Variants in ZNF469 observed in about 807,000 individuals in gnomAD.
ZNF469 encodes zinc finger protein 469.
Under a neutral mutation model 1.0 loss-of-function variants are expected in ZNF469, and 1 was observed. That is an observed-to-expected ratio of 1.00 (90% confidence interval 0.35 to 4.73). ZNF469 has a LOEUF of 4.73. ZNF469 is among the 30% of genes most tolerant of loss of function. The pLI, the probability that ZNF469 is intolerant of heterozygous loss-of-function variation, is 0.16. For synonymous variants in ZNF469, 2,703 were observed against 2,363.4 expected (o/e 1.14, Z -4.17); for missense variants, 6,100 against 5,356.3 (o/e 1.14, Z -4.33).
chr16:88,113,064 C>T, the ZNF469 span, among the ~76,000 whole-genome samples: 2 of 151,946 alleles, frequency 1.3e-5, no homozygotes, highest in Non-Finnish European at 2.9e-5. Flanking sequence ...AGGTGTGAGC[C>T]ACCGCGCCTG....
At chr16:88,352,959 G>A in the ZNF469 span, among the ~76,000 whole-genome samples, 1 of 152,172 alleles carries the variant, frequency 6.6e-6, no homozygotes, top group Admixed American at 6.5e-5. Context: ...CCCAGCCTGG[G>A]GTGGGAGGCC....
At chr16:88,257,269 C>T in the ZNF469 span, among the ~76,000 whole-genome samples, 1 of 152,056 alleles carries the variant, frequency 6.6e-6, no homozygotes, top group Non-Finnish European at 1.5e-5. Flanking sequence ...CAGCCGGGAG[C>T]ATCTTTTCAT....
the ZNF469 span, among the ~76,000 whole-genome samples, chr16:88,251,536 GTCTTTTTTTTTTT>G: frequency 2.7e-4 from 21 of 78,794 alleles, no homozygotes; most frequent in Middle Eastern, 8.1e-3. Context: ...TGTCCCTGCT[GTCTTTTTTTTTTT>G]TTTTTTTTTT....
At position 88,439,187 on chromosome 16, in the gene ZNF469, A is replaced by G; in HGVS notation, c.11717A>G (p.Lys3906Arg). 3 of 1,550,404 alleles carry G rather than the reference A, an allele frequency of 1.9e-6. No individual in the cohort carries two copies. The highest frequency in any genetic ancestry group is 2.4e-5 in the East Asian group (1 of 40,924). ...GGGAGACCCCTGCTCAGGCCCCCCA[A>G]GAGGGGCACAGCTGTCCACGGTGCT... ...PQGRPLLRPP[K>R]RGTAVHGAEP... The change falls in exon 3 of 3, where the codon AAG becomes AGG. Residue 3906 changes from lysine (K) to arginine (R), a missense_variant. Transcript: ENST00000565624.
rs372973682 is a variant in ZNF469 at position 88,435,463 on chromosome 16, T to A, written c.7993T>A (p.Ser2665Thr). The change falls in exon 3 of 3, where the codon TCC (serine) becomes ACC (threonine). Residue 2665 changes from serine to threonine, a missense_variant. Physicochemically the swap from Ser to Thr is moderately conservative, Grantham distance 58. Coordinates refer to ENST00000565624, the MANE Select transcript of ZNF469 (RefSeq NM_001367624.2). ...VISDGRGSRP[S>T]PAMASYAASP... The stretch of plus-strand genomic sequence containing the variant: ...TTCAGATGGGCGCGGCTCCAGACCA[T>A]CCCCTGCAATGGCCAGTTACGCAGC... 26 of 1,549,350 alleles carry A rather than the reference T, an allele frequency of 1.7e-5. No homozygotes were observed. In the African/African-American group the frequency reaches 3.4e-4, roughly 20 times the overall value.
chr16:88,260,297 G>A, the ZNF469 span, among the ~76,000 whole-genome samples: 3 of 152,178 alleles, frequency 2.0e-5, no homozygotes, highest in East Asian at 1.9e-4. This position sits in a 1 kb window ranked among gnomAD's most constrained non-coding sequence, Gnocchi z 4.1. Flanking sequence ...CCAAAAAGTC[G>A]CTTTAAAAAG....
chr16:88,330,116 G>A, the ZNF469 span, among the ~76,000 whole-genome samples: 3 of 152,366 alleles, frequency 2.0e-5, no homozygotes, highest in Admixed American at 6.5e-5. Flanking sequence ...TCTGACTTTC[G>A]GTTAGAGCGT....
chr16:88,374,146 G>GGGGTT, the ZNF469 span, among the ~76,000 whole-genome samples: 1 of 152,220 alleles, frequency 6.6e-6, no homozygotes, highest in East Asian at 1.9e-4. Context: ...GGCACTGTCT[G>GGGGTT]AGGTACAGGG....
At chr16:88,244,482 T>C in the ZNF469 span, among the ~76,000 whole-genome samples, 1 of 150,760 alleles carries the variant, frequency 6.6e-6, no homozygotes, top group Non-Finnish European at 1.5e-5. Flanking sequence ...GGTGGATACA[T>C]TGATGAGTGG....
In ZNF469 at chr16:88,434,032, G is replaced by A. The variant is rs2142309593; in HGVS notation, c.6562G>A (p.Gly2188Arg). Residue 2188 changes from glycine to arginine, a missense_variant, in exon 3 of 3, where the codon GGG becomes AGG. Coordinates refer to ENST00000565624, the MANE Select transcript of ZNF469 (RefSeq NM_001367624.2). ...TGGCGTCCAAGCCACGACAGATACT[G>A]GGGCTGAGGATTCCCCGGTGGCTCC... ...ADGVQATTDTGAEDSPVAPPS... is the reference protein window; with the variant it reads ...ADGVQATTDTRAEDSPVAPPS... 1 of 1,550,302 alleles carries A rather than the reference G, an allele frequency of 6.5e-7. No homozygotes were observed. Among genetic ancestry groups the A allele is most frequent in the African/African-American group, 1.4e-5 (1 of 73,178 alleles).
chr16:88,439,039 G>A lies in ZNF469; in HGVS notation c.11569G>A (p.Val3857Met), dbSNP rs371430688. The part of the protein sequence containing the change: ...TPRKQATPSR[V>M]LPTKPKPNSQ... ...TCGGAAGCAGGCAACTCCCAGCCGC[G>A]TGCTCCCGACCAAGCCCAAGCCCAA... is the stretch of plus-strand genomic sequence containing the variant. Residue 3857 changes from valine to methionine, a missense_variant, in exon 3 of 3, where the codon GTG (valine) becomes ATG (methionine). By Grantham distance (21) the Val-to-Met change is conservative. Coordinates refer to ENST00000565624, the MANE Select transcript of ZNF469 (RefSeq NM_001367624.2). 8.4e-6 allele frequency: 13 copies of A among 1,550,124 alleles called. No homozygotes were observed. The highest frequency in any genetic ancestry group is 1.4e-5 in the African/African-American group (1 of 72,964).
the ZNF469 span, among the ~76,000 whole-genome samples, chr16:88,152,554 AG>A: frequency 6.6e-6 from 1 of 151,790 alleles, no homozygotes; most frequent in East Asian, 1.9e-4. This position sits in a 1 kb window ranked among gnomAD's most constrained non-coding sequence, Gnocchi z 4.2. Flanking sequence ...TCTTCTGTTG[AG>A]CCCCCCTGTG....
Position 88,439,500 on chromosome 16 carries a change from C to T in ZNF469, c.*168C>T. 1 of 754,222 alleles carries T rather than the reference C, an allele frequency of 1.3e-6. No individual in the cohort carries two copies. The highest frequency in any genetic ancestry group is 1.8e-5 in the South Asian group (1 of 55,268). The allele number at this position is 754,222 out of a possible 1,614,324, so 46.7% of individuals were successfully genotyped here. On this transcript the variant is annotated 3_prime_UTR_variant, in exon 3 of 3. Transcript: ENST00000565624. ...AGGTGGTGATGCTTTGAACAGGGCC[C>T]AGGTGGGCAGCATTCCCTTTCTTGC...
chr16:88,186,043 G>A, the ZNF469 span, among the ~76,000 whole-genome samples: 3 of 152,232 alleles, frequency 2.0e-5, no homozygotes, highest in East Asian at 5.8e-4. Flanking sequence ...GCCTTGTCCT[G>A]GGGACGAGTC....
In ZNF469 at chr16:88,427,771, C is replaced by T; in HGVS notation, c.301C>T (p.Pro101Ser). 1.3e-6 allele frequency: 2 copies of T among 1,546,244 alleles called. No individual in the cohort carries two copies. Among genetic ancestry groups the T allele is most frequent in the Non-Finnish European group, 1.7e-6 (2 of 1,146,672 alleles). Residue 101 changes from proline to serine, a missense_variant, in exon 3 of 3, where the codon CCC (proline) becomes TCC (serine). Pro to Ser is a moderately conservative substitution (Grantham distance 74, BLOSUM62 -1). Coordinates refer to ENST00000565624, the MANE Select transcript of ZNF469 (RefSeq NM_001367624.2). ...GSPQTPPGRS[P>S]LQAPSRLAGR... Reference sequence around the variant, plus strand: ...CCCCCAGACCCCACCGGGGAGAAGCCCCTTGCAGGCTCCCTCAAGGCTGGC... The same window carrying T: ...CCCCCAGACCCCACCGGGGAGAAGCTCCTTGCAGGCTCCCTCAAGGCTGGC...
intron 1 of ZNF469, among the ~76,000 whole-genome samples, chr16:88,390,479 G>T (rs773405641): frequency 1.3e-5 from 2 of 152,228 alleles, no homozygotes; most frequent in Non-Finnish European, 2.9e-5. Flanking sequence ...CGGCCGCTCT[G>T]CCTGGGAACC....
the ZNF469 span, among the ~76,000 whole-genome samples, chr16:88,201,641 C>G: frequency 6.6e-6 from 1 of 152,270 alleles, no homozygotes; most frequent in Non-Finnish European, 1.5e-5. The surrounding 1 kb of genome is among the most constrained non-coding windows in gnomAD (Gnocchi z 5.0). Flanking sequence ...CTGTGGCTGC[C>G]GGCAGTCCTG....
At chr16:88,360,863 A>G in the ZNF469 span, among the ~76,000 whole-genome samples, 2 of 152,058 alleles carry the variant, frequency 1.3e-5, 1 homozygote, top group African/African-American at 4.8e-5. Flanking sequence ...GTGATTCCCA[A>G]CCTTTTTAGC....
At chr16:88,337,904 G>A in the ZNF469 span, among the ~76,000 whole-genome samples, 15 of 152,266 alleles carry the variant, frequency 9.9e-5, no homozygotes, top group Non-Finnish European at 1.6e-4. Context: ...TCAGATGGAC[G>A]GTTTGCCAAA....
Sources: gnomAD v4.1 joint callset for allele counts (sites outside exome capture counted in the v4.1 genomes callset) on GRCh38, gnomAD v4.1.1 for gene constraint, Gnocchi (gnomAD v3.1) non-coding constraint, MANE v1.5 for transcripts, NCBI Gene and HGNC (gene_info 2026-07-23, HGNC 2026-07-21) for gene names.